The following UBR4 variants were observed in gnomAD, a reference collection of about 807,000 sequenced individuals.
UBR4 encodes E3 ubiquitin-protein ligase UBR4.
Under a neutral mutation model 575.6 loss-of-function variants are expected in UBR4, and 124 were observed. That is an observed-to-expected ratio of 0.22 (90% CI 0.19 to 0.25). The LOEUF is 0.25. Among genes scored for constraint, UBR4 ranks in the 10% least tolerant of loss-of-function variants. The pLI is 1.00. For missense variants in UBR4, 4,818 were observed against 6,478.8 expected (o/e 0.74, Z 8.80); for synonymous variants, 2,455 against 2,473.7 (o/e 0.99, Z 0.22).
At chr1:19,167,317 C>A in intron 28 of UBR4, 86 bp from the exon 29 acceptor site, 1 of 1,464,656 alleles carries the variant, frequency 6.8e-7, no homozygotes, top group Non-Finnish European at 9.5e-7. Context: ...AATTACTTGC[C>A]GGGGAAGAGG....
At chr1:19,149,298 C>T (rs12565575) in intron 49 of UBR4, among the ~76,000 whole-genome samples, 72,896 of 151,976 alleles carry the variant, frequency 0.48, 18,080 homozygotes, top group East Asian at 0.8. Context: ...ATCCTGACAG[C>T]TGAAGCTCTG....
Position 19,118,853 on chromosome 1 carries a change from A to G in UBR4, c.10541+19T>C. ...TGCTGACTGAGCTTCCCACAGGTAG[A>G]AAGCAAAACAAAGCTCACTTATAAA... On this transcript the variant is annotated intron_variant, in intron 71 of 105. Transcript: ENST00000375254. 1 of 1,612,890 alleles carries G rather than the reference A, an allele frequency of 6.2e-7. No individual in the cohort carries two copies. The highest frequency in any genetic ancestry group is 2.2e-5 in the East Asian group (1 of 44,874).
intron 65 of UBR4, chr1:19,124,327 C>T (rs192086360): frequency 2.4e-4 from 133 of 556,774 alleles, no homozygotes; most frequent in Non-Finnish European, 1.4e-4. Context: ...GTTCAACACA[C>T]AGAATCAGAA....
intron 105 of UBR4, among the ~76,000 whole-genome samples, chr1:19,076,293 G>T (rs913613918): frequency 1.3e-5 from 2 of 152,224 alleles, no homozygotes; most frequent in Non-Finnish European, 2.9e-5. Context: ...TGTGACCTAA[G>T]ACGCAGGAGG....
At chr1:19,125,721 C>G (rs1342670098) in intron 64 of UBR4, 1 of 152,172 alleles carries the variant, frequency 6.6e-6, no homozygotes, top group Non-Finnish European at 1.5e-5. Flanking sequence ...GGAAAACCAC[C>G]AAAGAGTCAT....
rs2087265871 is a variant in UBR4, at chr1:19,161,073, C to A, written c.5250G>T (p.Arg1750Ser). The A allele has an allele frequency of 6.2e-6, 10 of 1,614,008 alleles. No homozygotes were observed. Among genetic ancestry groups the A allele is most frequent in the South Asian group, 2.2e-5 (2 of 91,082 alleles). ...MKESAFQSEP[R>S]ISESLVRHAS... ...CATGACGCACTAGACTCTCTGAAAT[C>A]CTGGGTTCACTCTGAAATGCCGACT... The change falls in exon 38 of 106, where the codon AGG (arginine) becomes AGT (serine). Residue 1750 changes from arginine to serine, a missense_variant. Transcript: ENST00000375254.
intron 48 of UBR4, 111 bp from the exon 49 acceptor site, chr1:19,150,904 A>C (rs948549221): frequency 4.0e-6 from 4 of 1,004,314 alleles, no homozygotes; most frequent in Non-Finnish European, 5.9e-6. Flanking sequence ...AATTTTATAG[A>C]CATAGAGAAA....
Position 19,093,033 on chromosome 1 carries a change from C to T in UBR4, c.14112-115G>A, listed in dbSNP as rs146667158. On this transcript the variant is annotated intron_variant, in intron 96 of 105. Transcript: ENST00000375254. The surrounding 1 kb of genome is among the most constrained non-coding windows in gnomAD (Gnocchi z 4.8). ...GGGCATGATTAACCGTGACCCTCTC[C>T]GAGTGTCATAAAGAATCACATAGAA... The T allele has an allele frequency of 9.7e-5, 94 of 973,988 alleles. No homozygotes were observed. Among genetic ancestry groups the T allele is most frequent in the Non-Finnish European group, 1.4e-4 (88 of 645,980 alleles). The allele number at this position is 973,988 out of a possible 1,614,324, so 60.3% of individuals were successfully genotyped here. A position where few individuals can be genotyped will look rare whatever the true frequency, so the allele number is the denominator to read the frequency against.
Position 19,173,080 on chromosome 1 carries a change from C to G in UBR4, c.3305G>C (p.Cys1102Ser). 6.2e-7 allele frequency: 1 copy of G among 1,614,094 alleles called. No homozygotes were observed. The highest frequency in any genetic ancestry group is 8.5e-7 in the Non-Finnish European group (1 of 1,179,954). Residue 1102 changes from cysteine (C) to serine (S), a missense_variant, in exon 25 of 106, where the codon TGT (cysteine) becomes TCT (serine). Cys to Ser is a moderately radical substitution (Grantham distance 112). This residue lies in a region of UBR4 where 1,172 missense variants were observed against 1,259.7 expected (regional missense o/e 0.93). Coordinates refer to ENST00000375254, the MANE Select transcript of UBR4 (RefSeq NM_020765.3). Reference sequence around the variant, plus strand: ...CAAGATGGTGGTACAGTCGATACTACAGAAGGATGAGATCTTTAAAAATAT... The same window carrying G: ...CAAGATGGTGGTACAGTCGATACTAGAGAAGGATGAGATCTTTAAAAATAT... ...EYFARQISSF[C>S]SIDCTTILQL...
At chr1:19,081,663 T>A in intron 102 of UBR4, 90 bp from the exon 103 acceptor site, 1 of 1,416,646 alleles carries the variant, frequency 7.1e-7, no homozygotes, top group Non-Finnish European at 1.0e-6. Flanking sequence ...TTTGTCGTTG[T>A]CTTGTGACAT....
At chr1:19,181,298 G>T (rs977991101) in intron 17 of UBR4, among the ~76,000 whole-genome samples, 6 of 151,964 alleles carry the variant, frequency 3.9e-5, no homozygotes, top group African/African-American at 1.5e-4. Context: ...AAGGCTGAGG[G>T]CAAGAGTACT....
In UBR4 at chr1:19,120,193, G is replaced by T; in HGVS notation, c.10297C>A (p.Leu3433Met). 6.2e-7 allele frequency: 1 copy of T among 1,614,208 alleles called. No individual in the cohort carries two copies. The highest frequency in any genetic ancestry group is 2.2e-5 in the East Asian group (1 of 44,888). The change falls in exon 69 of 106, where the codon CTG becomes ATG. Residue 3433 changes from leucine to methionine, a missense_variant. Physicochemically the swap from Leu to Met is conservative, Grantham distance 15. Transcript: ENST00000375254. ...CCCTGGCCCTACCTGTAGATGTGCAGTGTCAGACAGTGGGCCTGCCAGCGC... is the reference window on the plus strand; with the variant it reads ...CCCTGGCCCTACCTGTAGATGTGCATTGTCAGACAGTGGGCCTGCCAGCGC... Reference protein sequence around the residue: ...SVRWQAHCLTLHIYRNSSKSQ... With the variant: ...SVRWQAHCLTMHIYRNSSKSQ...
rs761707017 is a variant in UBR4 at position 19,169,490 on chromosome 1, A to G, written c.3686T>C (p.Val1229Ala). The change falls in exon 27 of 106, where the codon GTG (valine) becomes GCG (alanine). Residue 1229 changes from valine (V) to alanine (A), a missense_variant. Coordinates refer to ENST00000375254, the MANE Select transcript of UBR4 (RefSeq NM_020765.3). ...VQNLPSSVQT[V>A]CESWNNINTN... ...ATTGATGTTGTTCCAGGACTCACAC[A>G]CAGTCTGCACTGACGATGGCAAATT... The G allele has an allele frequency of 1.2e-6, 2 of 1,614,000 alleles. No homozygotes were observed. The highest frequency in any genetic ancestry group is 2.7e-5 in the African/African-American group (2 of 75,062).
At position 19,095,036 on chromosome 1, in the gene UBR4, A is replaced by C. The variant is rs1185473708; in HGVS notation, c.13627-11T>G. On this transcript the variant is annotated splice_polypyrimidine_tract_variant and intron_variant, in intron 93 of 105. Coordinates refer to ENST00000375254, the MANE Select transcript of UBR4 (RefSeq NM_020765.3). ...TTCAGCTACAAGGGCCTGTAGGAGA[A>C]GGAGACTCAGTCACTCTCAGAATAA... The C allele has an allele frequency of 2.5e-6, 4 of 1,614,142 alleles. No individual in the cohort carries two copies. In the Admixed American group the frequency reaches 5.0e-5, roughly 20 times the overall value.
At chr1:19,123,337 G>C (rs2081372495) in intron 65 of UBR4, among the ~76,000 whole-genome samples, 1 of 151,866 alleles carries the variant, frequency 6.6e-6, no homozygotes, top group African/African-American at 2.4e-5. Context: ...TGTAATCCCA[G>C]CTACTAGGGA....
At chr1:19,164,706 T>C in intron 32 of UBR4, 93 bp downstream of exon 32, 11 of 1,476,914 alleles carry the variant, frequency 7.4e-6, no homozygotes, top group Non-Finnish European at 9.3e-6. Flanking sequence ...ATGCTGAGAA[T>C]GCTAAGACTG....
chr1:19,094,791 A>T, intron 94 of UBR4, 115 bp downstream of exon 94: 2 of 1,408,376 alleles, frequency 1.4e-6, no homozygotes, highest in Non-Finnish European at 1.9e-6. Flanking sequence ...TCCAATGCTT[A>T]AGCAGGCTCC....
At chr1:19,105,650 C>A in intron 84 of UBR4, 83 bp downstream of exon 84, 2 of 1,092,250 alleles carry the variant, frequency 1.8e-6, no homozygotes. Flanking sequence ...CTCTCATTAC[C>A]CTGATCCATG....
Position 19,086,192 on chromosome 1 carries a change from G to T in UBR4, c.14766C>A (p.Val4922=), listed in dbSNP as rs542373558. ...CTGATTCAGGGACATGAGGTCCCCA[G>T]ACCGGAAGGAGCCCGTTGCACTTGG... ...ANTKCNGLLP[V]WGPHVPESAF... The change falls in exon 101 of 106, where the codon GTC becomes GTA. Residue 4922 remains valine, a synonymous_variant. Transcript: ENST00000375254. The T allele has an allele frequency of 2.2e-5, 36 of 1,614,114 alleles. No individual in the cohort carries two copies. In the South Asian group the frequency reaches 3.4e-4, roughly 15 times the overall value.
Sources: allele counts gnomAD v4.1 joint callset (sites outside exome capture counted in the v4.1 genomes callset), GRCh38; gene constraint gnomAD v4.1.1; regional missense constraint gnomAD v4.1.1; non-coding constraint Gnocchi (gnomAD v3.1); transcripts MANE v1.5; gene names NCBI Gene and HGNC (gene_info 2026-07-23, HGNC 2026-07-21).